The following WWC1 variants were observed in gnomAD, a reference collection of about 807,000 sequenced individuals.
WWC1 encodes the protein WW and C2 domain containing 1, also known as protein KIBRA.
Under a neutral mutation model 138.4 loss-of-function variants are expected in WWC1, and 55 were observed. That is an observed-to-expected ratio of 0.40 (90% confidence interval 0.32 to 0.50). The LOEUF is 0.50. Among genes scored for constraint, WWC1 ranks in the 20% least tolerant of loss-of-function variants. WWC1 has a pLI of 0.72. For missense variants in WWC1, 1,226 were observed against 1,420.4 expected (o/e 0.86, Z 2.20); for synonymous variants, 524 against 564.9 (o/e 0.93, Z 1.03).
chr5:168,326,295 G>A (rs906327142), intron 1 of WWC1, among the ~76,000 whole-genome samples: 3 of 141,040 alleles, frequency 2.1e-5, no homozygotes, highest in Non-Finnish European at 4.5e-5. Flanking sequence ...TCGGCTCACC[G>A]CAACCTCCGC....
intron 9 of WWC1, among the ~76,000 whole-genome samples, chr5:168,421,403 C>A (rs1781081007): frequency 6.6e-6 from 1 of 152,196 alleles, no homozygotes; most frequent in African/African-American, 2.4e-5. Flanking sequence ...CTTTTGTGTT[C>A]TTTTCTACCA....
chr5:168,352,877 C>A (rs558918397), intron 1 of WWC1, among the ~76,000 whole-genome samples: 1 of 152,280 alleles, frequency 6.6e-6, no homozygotes, highest in Non-Finnish European at 1.5e-5. Flanking sequence ...AGCCACTGCA[C>A]CCGGCCTGGA....
In WWC1 at chr5:168,441,699, C is replaced by A; in HGVS notation, c.2298C>A (p.Ser766Arg). 1 of 1,614,064 alleles carries A rather than the reference C, an allele frequency of 6.2e-7. No individual in the cohort carries two copies. The highest frequency in any genetic ancestry group is 1.1e-5 in the South Asian group (1 of 91,060). The change falls in exon 16 of 23, where the codon AGC becomes AGA. Residue 766 changes from serine to arginine, a missense_variant. Transcript: ENST00000265293. ...LEECLGGAQISLAEVCRSGER... is the reference protein window; with the variant it reads ...LEECLGGAQIRLAEVCRSGER... ...CCCAACAGGGAGGCGCCCAGATCAGCCTGGCGGAGGTCTGCCGGTCTGGGG... is the reference window on the plus strand; with the variant it reads ...CCCAACAGGGAGGCGCCCAGATCAGACTGGCGGAGGTCTGCCGGTCTGGGG...
chr5:168,302,028 A>G (rs1770135520), intron 1 of WWC1, among the ~76,000 whole-genome samples: 1 of 152,178 alleles, frequency 6.6e-6, no homozygotes, highest in Non-Finnish European at 1.5e-5. Context: ...TCTGGAGTGA[A>G]GCGACTCTTG....
intron 1 of WWC1, among the ~76,000 whole-genome samples, chr5:168,322,148 C>T (rs573182228): frequency 6.6e-6 from 1 of 152,206 alleles, no homozygotes; most frequent in East Asian, 1.9e-4. Context: ...GATTTTGTAA[C>T]AGATTGATGC....
chr5:168,312,632 G>A (rs929712920), intron 1 of WWC1, among the ~76,000 whole-genome samples: 1 of 152,202 alleles, frequency 6.6e-6, no homozygotes, highest in Non-Finnish European at 1.5e-5. Context: ...CATGGCCCCA[G>A]CCTATGCCTC....
At chr5:168,312,800 C>T (rs1171470926) in intron 1 of WWC1, among the ~76,000 whole-genome samples, 1 of 149,150 alleles carries the variant, frequency 6.7e-6, no homozygotes, top group African/African-American at 2.5e-5. Flanking sequence ...TCATGGGTGA[C>T]TGGTATCCTA....
chr5:168,417,695 G>T (rs1582224401), intron 9 of WWC1, among the ~76,000 whole-genome samples: 1 of 152,240 alleles, frequency 6.6e-6, no homozygotes, highest in Non-Finnish European at 1.5e-5. Context: ...GTACAGGGAG[G>T]CCAGAACCTC....
intron 17 of WWC1, 134 bp from the exon 18 acceptor site, chr5:168,453,834 G>C (rs1362147350): frequency 6.8e-7 from 1 of 1,469,492 alleles, no homozygotes; most frequent in Non-Finnish European, 9.0e-7. Context: ...GTGTGAGCCT[G>C]GCCCCCCAAA....
chr5:168,376,146 C>G (rs901857615), intron 2 of WWC1, among the ~76,000 whole-genome samples: 4 of 151,896 alleles, frequency 2.6e-5, no homozygotes, highest in Admixed American at 6.6e-5. Context: ...CTCCGCCTCC[C>G]GAGTTCAAAC....
intron 10 of WWC1, among the ~76,000 whole-genome samples, chr5:168,423,301 A>G (rs1781264914): frequency 6.6e-6 from 1 of 152,170 alleles, no homozygotes; most frequent in South Asian, 2.1e-4. Flanking sequence ...TAGAGGAAAA[A>G]GTGGACTTTT....
chr5:168,304,547 A>C (rs1211428659), intron 1 of WWC1, among the ~76,000 whole-genome samples: 1 of 152,168 alleles, frequency 6.6e-6, no homozygotes, highest in Non-Finnish European at 1.5e-5. Flanking sequence ...CCAGACCAGT[A>C]TATCAGCTTC....
At chr5:168,412,857 T>C (rs2152842460) in intron 8 of WWC1, among the ~76,000 whole-genome samples, 1 of 152,332 alleles carries the variant, frequency 6.6e-6, no homozygotes, top group African/African-American at 2.4e-5. Flanking sequence ...ATAGGTTATA[T>C]GTAAACACTA....
rs555689294 is a variant in WWC1, at chr5:168,414,357, C to T, written c.951C>T (p.Asn317=). 1.2e-6 allele frequency: 2 copies of T among 1,612,066 alleles called. No homozygotes were observed. The highest frequency in any genetic ancestry group is 1.7e-6 in the Non-Finnish European group (2 of 1,179,362). ...CTTTCTTGGCCCCCAGGATCGCCAA[C>T]CTGAAGATCCAGCTGGCCAAGCTTG... The part of the protein sequence containing the change: ...RYEEAKRRIA[N]LKIQLAKLDS... Residue 317 remains asparagine, a synonymous_variant, in exon 9 of 23, where the codon AAC becomes AAT. Coordinates refer to ENST00000265293, the MANE Select transcript of WWC1 (RefSeq NM_015238.3).
chr5:168,374,978 C>G (rs1304560982), intron 2 of WWC1, among the ~76,000 whole-genome samples: 1 of 152,104 alleles, frequency 6.6e-6, no homozygotes, highest in Non-Finnish European at 1.5e-5. Flanking sequence ...TTGCTATCAA[C>G]CAAGTGGAGA....
chr5:168,381,738 G>A (rs1258572653), intron 2 of WWC1, among the ~76,000 whole-genome samples: 1 of 150,222 alleles, frequency 6.7e-6, no homozygotes, highest in Non-Finnish European at 1.5e-5. Flanking sequence ...TTCTTCGGGG[G>A]GTGGGGTGGG....
chr5:168,415,091 T>C (rs1780506282), intron 9 of WWC1: 1 of 165,392 alleles, frequency 6.0e-6, no homozygotes, highest in South Asian at 1.6e-4. Context: ...GTTTGCAGTT[T>C]GAAAAACACT....
Position 168,350,864 on chromosome 5 carries a change from G to A in WWC1, c.120-20560G>A, listed in dbSNP as rs181605905. ...ATGATGTTACCAATTCCCAGCTAGAGGCTGGGCGCGGTGGCTCACGCCTGT... is the reference window on the plus strand; with the variant it reads ...ATGATGTTACCAATTCCCAGCTAGAAGCTGGGCGCGGTGGCTCACGCCTGT... On this transcript the variant is annotated intron_variant, in intron 1 of 22. Transcript: ENST00000265293. 3.5e-3 allele frequency among the ~76,000 whole-genome samples: 532 copies of A among 152,298 alleles called. 4 individuals carry two copies. Among genetic ancestry groups the A allele is most frequent in the African/African-American group, 0.012 (499 of 41,562 alleles).
intron 19 of WWC1, among the ~76,000 whole-genome samples, chr5:168,458,721 A>G (rs541251556): frequency 6.6e-5 from 10 of 152,222 alleles, no homozygotes; most frequent in Non-Finnish European, 8.8e-5. Context: ...TTCTCTAGCT[A>G]TTAAATGCAA....
Sources: gnomAD v4.1 joint callset for allele counts (sites outside exome capture counted in the v4.1 genomes callset) on GRCh38, gnomAD v4.1.1 for gene constraint, MANE v1.5 for transcripts, NCBI Gene and HGNC (gene_info 2026-07-23, HGNC 2026-07-21) for gene names.